Variants in PCTP observed in about 807,000 individuals in gnomAD.
PCTP encodes START domain-containing protein 2.
A neutral mutation model predicts 31.0 loss-of-function variants in PCTP; 27 were observed. The ratio of observed to expected loss-of-function variants is 0.87; its 90% CI spans 0.64 to 1.20. PCTP has a LOEUF of 1.20. Ranked by LOEUF, PCTP falls within the 50% of genes most tolerant of loss-of-function variation. The probability of loss-of-function intolerance (pLI) is 0.00; values close to 1 mark genes in which losing one functional copy is unlikely to be tolerated. For missense variants in PCTP, 287 were observed against 268.2 expected, an observed-to-expected ratio of 1.07 and a Z score of -0.49; for synonymous variants, 108 against 101.2, an observed-to-expected ratio of 1.07 and a Z score of -0.40.
chr17:55,832,446 A>G (rs994065034), intron 5 of PCTP, among the ~76,000 whole-genome samples: 1 of 152,156 alleles, frequency 6.6e-6, no homozygotes, highest in African/African-American at 2.4e-5. Context: ...ACAGATAGCA[A>G]ATTGTTCTTC....
At position 55,751,209 on chromosome 17, in the gene PCTP, A is replaced by C. The variant is rs1909679462; in HGVS notation, c.106A>C (p.Thr36Pro). 1 of 1,546,994 alleles carries C rather than the reference A, an allele frequency of 6.5e-7. No individual in the cohort carries two copies. The highest frequency in any genetic ancestry group is 1.4e-5 in the African/African-American group (1 of 72,816). ...GGCCGACTGGCAGCTCCTAGTGGAG[A>C]CCTCGGGCATCAGCATCTACCGGCT... Reference protein sequence around the residue: ...AGADWQLLVETSGISIYRLLD... With the variant: ...AGADWQLLVEPSGISIYRLLD... Residue 36 changes from threonine to proline, a missense_variant, in exon 1 of 6, where the codon ACC becomes CCC. Transcript: ENST00000268896.
intron 3 of PCTP, among the ~76,000 whole-genome samples, chr17:55,789,706 C>T (rs943438723): frequency 1.3e-5 from 2 of 152,124 alleles, no homozygotes; most frequent in African/African-American, 4.8e-5. Context: ...GGATTCACAG[C>T]CGAATTCTAC....
In PCTP at chr17:55,751,161, C is replaced by T. The variant is rs1052172102; in HGVS notation, c.58C>T (p.Leu20Phe). Residue 20 changes from leucine to phenylalanine, a missense_variant, in exon 1 of 6, where the codon CTC becomes TTC. Transcript: ENST00000268896. ...GCAGTTCTGGGAGGCCTGCGCCGAGCTCCAGCAGCCCGCTCTGGCCGGGGC... is the reference window on the plus strand; with the variant it reads ...GCAGTTCTGGGAGGCCTGCGCCGAGTTCCAGCAGCCCGCTCTGGCCGGGGC... ...EEQFWEACAE[L>F]QQPALAGADW... 26 of 1,548,224 alleles carry T rather than the reference C, an allele frequency of 1.7e-5. No individual in the cohort carries two copies. Among genetic ancestry groups the T allele is most frequent in the African/African-American group, 2.7e-5 (2 of 73,008 alleles).
downstream of PCTP, among the ~76,000 whole-genome samples, chr17:55,778,619 G>A (rs1468075979): frequency 2.1e-5 from 3 of 143,768 alleles, no homozygotes; most frequent in Admixed American, 6.8e-5. Context: ...GGGGTGCGGG[G>A]TGGGCGGTTT....
chr17:55,808,735 A>G (rs1912653718), intron 3 of PCTP, among the ~76,000 whole-genome samples: 1 of 152,192 alleles, frequency 6.6e-6, no homozygotes, highest in South Asian at 2.1e-4. Flanking sequence ...AGGGGCAGTA[A>G]TACGTCTTAA....
the PCTP span, among the ~76,000 whole-genome samples, chr17:55,848,829 T>C: frequency 1.3e-5 from 2 of 152,214 alleles, no homozygotes; most frequent in Admixed American, 1.3e-4. Context: ...TTTGACTTTC[T>C]AATGCTGGGG....
intron 1 of PCTP, among the ~76,000 whole-genome samples, chr17:55,760,283 C>A: frequency 6.6e-6 from 1 of 152,172 alleles, no homozygotes; most frequent in Middle Eastern, 3.2e-3. Context: ...AGTTCTGAAT[C>A]CCAGTTCTTT....
chr17:55,777,250 A>G lies in PCTP; in HGVS notation c.*1150A>G. On this transcript the variant is annotated 3_prime_UTR_variant, in exon 6 of 6. Transcript: ENST00000268896. ...GTATAATGATACTGAACCTTGATTA[A>G]TAACAGAAATTCAGGATGTAAAGCC... 1 of 985,670 alleles carries G rather than the reference A, an allele frequency of 1.0e-6. No homozygotes were observed. Among genetic ancestry groups the G allele is most frequent in the Non-Finnish European group, 1.2e-6 (1 of 829,730 alleles). The allele number at this position is 985,670 out of a possible 1,614,324, so 61.1% of individuals were successfully genotyped here. A position where few individuals can be genotyped will look rare whatever the true frequency, so the allele number is the denominator to read the frequency against.
intron 1 of PCTP, among the ~76,000 whole-genome samples, chr17:55,756,627 T>TAA (rs1483071151): frequency 1.3e-5 from 2 of 152,170 alleles, no homozygotes; most frequent in East Asian, 3.8e-4. Context: ...ACATAGGGGT[T>TAA]AATTATTTTG....
In PCTP at chr17:55,762,297, T is replaced by G. The variant is rs148402545; in HGVS notation, c.142-5038T>G. On this transcript the variant is annotated intron_variant, in intron 1 of 5. Coordinates refer to ENST00000268896, the MANE Select transcript of PCTP (RefSeq NM_021213.4). ...TGGTTGATCAGTGGGGGTGGGCAGC[T>G]TAGCTAATCATTTATAAGACAAAGA... Among the ~76,000 whole-genome samples the G allele has an allele frequency of 7.1e-3, 1,088 of 152,200 alleles. 12 individuals are homozygous for G. Among genetic ancestry groups the G allele is most frequent in the African/African-American group, 0.025 (1,048 of 41,502 alleles).
At chr17:55,801,183 A>G (rs553938722) in intron 3 of PCTP, among the ~76,000 whole-genome samples, 2 of 152,268 alleles carry the variant, frequency 1.3e-5, no homozygotes, top group African/African-American at 4.8e-5. Context: ...ATATATATGC[A>G]CCCAATACAG....
chr17:55,767,765 C>CTTTTT lies in PCTP; in HGVS notation c.259+329_259+333dup, dbSNP rs10634278. 1.4e-3 allele frequency among the ~76,000 whole-genome samples: 150 copies of CTTTTT among 103,452 alleles called. 9 individuals are homozygous for CTTTTT. The highest frequency in any genetic ancestry group is 2.2e-3 in the East Asian group (7 of 3,234). The allele number at this position is 103,452 out of a possible 152,430, so 67.9% of individuals were successfully genotyped here. ...CAGGCATGAGCCGCTGCACCCAGTG[C>CTTTTT]TTTTTTTTTTTTTTTTTTTTGATCA... On this transcript the variant is annotated intron_variant, in intron 2 of 5. Coordinates refer to ENST00000268896, the MANE Select transcript of PCTP (RefSeq NM_021213.4).
At chr17:55,851,227 T>G in the PCTP span, among the ~76,000 whole-genome samples, 1 of 152,380 alleles carries the variant, frequency 6.6e-6, no homozygotes, top group South Asian at 2.1e-4. Flanking sequence ...CATAGTCATC[T>G]TAGTCATTAC....
At chr17:55,766,755 A>G (rs1002862012) in intron 1 of PCTP, among the ~76,000 whole-genome samples, 15 of 152,274 alleles carry the variant, frequency 9.9e-5, no homozygotes, top group African/African-American at 3.4e-4. Context: ...AGCATGATTT[A>G]TAGTCCTTTG....
At chr17:55,845,887 G>GGGGTGTGTGTGTGTGTGT (rs1555572496), downstream of PCTP, among the ~76,000 whole-genome samples, 14 of 142,962 alleles carry the variant, frequency 9.8e-5, no homozygotes, top group Admixed American at 7.6e-4. Context: ...AGAGGGTTGG[G>GGGGTGTGTGTGTGTGTGT]GTGTGTGTGT....
chr17:55,812,242 A>G lies in PCTP; in HGVS notation c.318-10519A>G, dbSNP rs983509113. On this transcript the variant is annotated intron_variant, in intron 3 of 3. Transcript: ENST00000572536. The stretch of plus-strand genomic sequence containing the variant: ...GATGATAATAATAATAATTACAAAC[A>G]TCACTACCAACATTTCTTAAGTCTG... 1.2e-4 allele frequency among the ~76,000 whole-genome samples: 19 copies of G among 152,316 alleles called. No homozygotes were observed. In the Middle Eastern group the frequency reaches 0.017, roughly 136 times the overall value.
At chr17:55,845,884 T>TG (rs1555572495), downstream of PCTP, among the ~76,000 whole-genome samples, 1 of 103,056 alleles carries the variant, frequency 9.7e-6, no homozygotes, top group African/African-American at 4.4e-5. Flanking sequence ...TTGAGAGGGT[T>TG]GGGGTGTGTG....
chr17:55,847,766 G>A (rs926385850), downstream of PCTP, among the ~76,000 whole-genome samples: 2 of 152,094 alleles, frequency 1.3e-5, no homozygotes, highest in African/African-American at 4.8e-5. Flanking sequence ...CCTTGTTCAA[G>A]GGGGGGTCAG....
chr17:55,820,089 AT>A (rs1355339542), intron 3 of PCTP, among the ~76,000 whole-genome samples: 12 of 152,192 alleles, frequency 7.9e-5, no homozygotes, highest in Non-Finnish European at 1.5e-4. Flanking sequence ...ATAGGGGCAA[AT>A]TTTTTTATGG....
Sources: gnomAD v4.1 joint callset for allele counts (sites outside exome capture counted in the v4.1 genomes callset) on GRCh38, gnomAD v4.1.1 for gene constraint, MANE v1.5 for transcripts, NCBI Gene and HGNC (gene_info 2026-07-23, HGNC 2026-07-21) for gene names.